FCSK: variants seen among roughly 807,000 people sequenced by gnomAD.
FCSK encodes the protein L-fucose kinase.
Under a neutral mutation model 122.5 loss-of-function variants are expected in FCSK, and 123 were observed. That is an observed-to-expected ratio of 1.00 (90% CI 0.87 to 1.17). The LOEUF is 1.17. Ranked by LOEUF, FCSK falls within the 50% of genes most tolerant of loss-of-function variation. FCSK has a pLI of 0.00. For synonymous variants in FCSK, 620 were observed against 625.5 expected (o/e 0.99, Z 0.13); for missense variants, 1,366 against 1,450.4 (o/e 0.94, Z 0.95).
rs563659303 is a variant in FCSK at position 70,454,626 on chromosome 16, G to A, written c.-27G>A. Reference sequence around the variant, plus strand: ...CCCGCTCCGCCGAGCGCCGGGCGACGGCAGGTACGTCAGTCCGCGAGGGTC... The same window carrying A: ...CCCGCTCCGCCGAGCGCCGGGCGACAGCAGGTACGTCAGTCCGCGAGGGTC... On this transcript the variant is annotated 5_prime_UTR_variant, in exon 1 of 24. Coordinates refer to ENST00000288078, the MANE Select transcript of FCSK (RefSeq NM_145059.3). The A allele has an allele frequency of 6.6e-6, 1 of 151,690 alleles. No homozygotes were observed. The highest frequency in any genetic ancestry group is 2.0e-4 in the East Asian group (1 of 5,036). The allele number at this position is 151,690 out of a possible 1,614,324, so 9.4% of individuals were successfully genotyped here.
chr16:70,469,328 G>C lies in FCSK; in HGVS notation c.955+5G>C. 2 of 1,583,154 alleles carry C rather than the reference G, an allele frequency of 1.3e-6. No homozygotes were observed. The highest frequency in any genetic ancestry group is 1.7e-6 in the Non-Finnish European group (2 of 1,167,036). ...GCGATCAGCCCCTTACCATGGGTGG[G>C]TACTGCCTCTCAGCTCCCTGGGGTG... On this transcript the variant is annotated splice_donor_5th_base_variant and intron_variant, in intron 10 of 23. Transcript: ENST00000288078.
chr16:70,459,027 A>T (rs2048179864), intron 1 of FCSK, among the ~76,000 whole-genome samples: 1 of 151,812 alleles, frequency 6.6e-6, no homozygotes, highest in African/African-American at 2.4e-5. Context: ...AGCTTGGGCA[A>T]TGTGGCAAGA....
chr16:70,473,143 C>T lies in FCSK; in HGVS notation c.1567C>T (p.Arg523Trp), dbSNP rs369957269. 4.6e-5 allele frequency: 71 copies of T among 1,557,752 alleles called. 3 individuals are homozygous for T. Among genetic ancestry groups the T allele is most frequent in the South Asian group, 4.3e-4 (37 of 85,072 alleles). The change falls in exon 15 of 24, where the codon CGG becomes TGG. Residue 523 changes from arginine to tryptophan, a missense_variant. Coordinates refer to ENST00000288078, the MANE Select transcript of FCSK (RefSeq NM_145059.3). This position sits in a 1 kb window ranked among gnomAD's most constrained non-coding sequence, Gnocchi z 4.9. The part of the protein sequence containing the change: ...EDGGEALRAW[R>W]ASWRLSWEQL... ...TGGGGGCGAGGCCCTGCGAGCCTGG[C>T]GGGCCTCCTGGCGCCTGTCCTGGGA...
At chr16:70,468,733 T>C in intron 8 of FCSK, 116 bp from the exon 9 acceptor site, 1 of 1,344,482 alleles carries the variant, frequency 7.4e-7, no homozygotes, top group Admixed American at 1.9e-5. Context: ...AAGGTGACAC[T>C]CCCTGCCTGG....
In FCSK at chr16:70,466,203, C is replaced by G; in HGVS notation, c.357C>G (p.Pro119=). ...TCCCCGTGGAGAACCCCGAGGCCCCCGTGGAAGCCTTGGTCTGCAACCTGG... is the reference window on the plus strand; with the variant it reads ...TCCCCGTGGAGAACCCCGAGGCCCCGGTGGAAGCCTTGGTCTGCAACCTGG... ...TCLPVENPEA[P]VEALVCNLDC... Residue 119 remains proline, a synonymous_variant, in exon 5 of 24, where the codon CCC becomes CCG. Transcript: ENST00000288078. The G allele has an allele frequency of 6.2e-7, 1 of 1,613,918 alleles. No homozygotes were observed. The highest frequency in any genetic ancestry group is 1.3e-5 in the African/African-American group (1 of 75,016).
At chr16:70,468,731 A>C in intron 8 of FCSK, 118 bp from the exon 9 acceptor site, 1 of 1,315,612 alleles carries the variant, frequency 7.6e-7, no homozygotes, top group Non-Finnish European at 1.1e-6. Context: ...AGAAGGTGAC[A>C]CTCCCTGCCT....
chr16:70,473,996 A>G lies in FCSK; in HGVS notation c.1778-133A>G. 1 of 793,530 alleles carries G rather than the reference A, an allele frequency of 1.3e-6. No individual in the cohort carries two copies. The highest frequency in any genetic ancestry group is 2.6e-5 in the Admixed American group (1 of 38,556). The allele number at this position is 793,530 out of a possible 1,614,324, so 49.2% of individuals were successfully genotyped here. On this transcript the variant is annotated intron_variant, in intron 15 of 23. Transcript: ENST00000288078. The surrounding 1 kb of genome is among the most constrained non-coding windows in gnomAD (Gnocchi z 4.9). The stretch of plus-strand genomic sequence containing the variant: ...GAGAGCAGGAGTGCAGTTACAGTCA[A>G]AGATACATTGTGGGCAAAAGCCAGG...
At chr16:70,472,393 GC>G (rs1257731412) in intron 13 of FCSK, 147 bp from the exon 14 acceptor site, 3 of 593,058 alleles carry the variant, frequency 5.1e-6, no homozygotes, top group Admixed American at 3.2e-5. Flanking sequence ...CCACACCACT[GC>G]ACTCCAGCCT....
At chr16:70,468,739 C>T in intron 8 of FCSK, 110 bp from the exon 9 acceptor site, 1 of 1,386,362 alleles carries the variant, frequency 7.2e-7, no homozygotes, top group Non-Finnish European at 1.0e-6. Flanking sequence ...ACACTCCCTG[C>T]CTGGTATGGC....
At position 70,469,579 on chromosome 16, in the gene FCSK, A is replaced by C. The variant is rs572529040; in HGVS notation, c.955+256A>C. Reference sequence around the variant, plus strand: ...TTGTTTGTTTTGTTTTTTGAGACGGACTCTCTCTTTGTCGCCCCGGCTAGA... The same window carrying C: ...TTGTTTGTTTTGTTTTTTGAGACGGCCTCTCTCTTTGTCGCCCCGGCTAGA... On this transcript the variant is annotated intron_variant, in intron 10 of 23. Transcript: ENST00000288078. Among the ~76,000 whole-genome samples the C allele has an allele frequency of 2.7e-5, 4 of 148,778 alleles. No individual in the cohort carries two copies. In the South Asian group the frequency reaches 6.4e-4, roughly 24 times the overall value.
At chr16:70,478,864 C>G in intron 22 of FCSK, 1 of 700,486 alleles carries the variant, frequency 1.4e-6, no homozygotes, top group Non-Finnish European at 2.6e-6. Flanking sequence ...CCCTCCAGCC[C>G]TAACAGGAAG....
Position 70,479,191 on chromosome 16 carries a change from C to T in FCSK, c.2941C>T (p.Leu981=). The T allele has an allele frequency of 6.2e-7, 1 of 1,613,274 alleles. No homozygotes were observed. Among genetic ancestry groups the T allele is most frequent in the South Asian group, 1.1e-5 (1 of 91,058 alleles). The change falls in exon 23 of 24, where the codon CTG becomes TTG. Residue 981 remains leucine, a synonymous_variant. Transcript: ENST00000288078. The stretch of plus-strand genomic sequence containing the variant: ...CTGCCCCACCTCAGGAAGCCTGCCT[C>T]TGCTGGGCCAGTGCCTGACCTCGTA... ...AEGFRQGSLP[L]LGQCLTSYWE...
Position 70,468,938 on chromosome 16 carries a change from AGGCTTGGACTCCGG to A in FCSK, c.754_767del (p.Gly252SerfsTer11). ...CGCCCCTGGATGCCTGCACCTACCT[AGGCTTGGACTCCGG>A]AGCCCGGCCTGTCCAGGTGACTGGG... On this transcript the variant is annotated frameshift_variant, in exon 9 of 24. Transcript: ENST00000288078. LOFTEE classifies it high-confidence loss of function. 6.2e-7 allele frequency: 1 copy of A among 1,613,492 alleles called. No individual in the cohort carries two copies. The highest frequency in any genetic ancestry group is 8.5e-7 in the Non-Finnish European group (1 of 1,179,944).
chr16:70,479,354 A>C lies in FCSK; in HGVS notation c.3104A>C (p.Lys1035Thr), dbSNP rs769571864. ...GGAGGCTTTCTCTATCTGTTGACCA[A>C]GGAGCCACAGCAAAAGGAGGCCTTG... ...GGGGFLYLLT[K>T]EPQQKEALEA... Residue 1035 changes from lysine (K) to threonine (T), a missense_variant, in exon 23 of 24, where the codon AAG becomes ACG. Lys to Thr is a moderately conservative substitution (Grantham distance 78, BLOSUM62 -1). Coordinates refer to ENST00000288078, the MANE Select transcript of FCSK (RefSeq NM_145059.3). 1 of 1,613,990 alleles carries C rather than the reference A, an allele frequency of 6.2e-7. No individual in the cohort carries two copies. The highest frequency in any genetic ancestry group is 8.5e-7 in the Non-Finnish European group (1 of 1,180,018).
At chr16:70,467,225 C>T in intron 6 of FCSK, 149 bp from the exon 7 acceptor site, 2 of 638,298 alleles carry the variant, frequency 3.1e-6, no homozygotes, top group Non-Finnish European at 5.5e-6. Flanking sequence ...TGTCATTCTC[C>T]CAGGCGAATG....
chr16:70,474,068 G>T (rs1446974400), intron 15 of FCSK, 61 bp from the exon 16 acceptor site: 1 of 1,480,438 alleles, frequency 6.8e-7, no homozygotes, highest in Admixed American at 2.1e-5. Flanking sequence ...GTAGCCTCTC[G>T]TGAAAGAGGA....
At chr16:70,465,092 G>T in intron 3 of FCSK, 34 bp from the exon 4 acceptor site, 6 of 1,612,490 alleles carry the variant, frequency 3.7e-6, no homozygotes, top group Non-Finnish European at 5.1e-6. Context: ...GTCTGCCTGA[G>T]GCCTCTGTTC....
At chr16:70,466,527 T>C (rs1298966968) in intron 5 of FCSK, 1 of 476,596 alleles carries the variant, frequency 2.1e-6, no homozygotes, top group Admixed American at 3.6e-5. Flanking sequence ...ACCCCATCTC[T>C]ACAAAAAAAT....
chr16:70,463,392 C>A, intron 2 of FCSK, 120 bp downstream of exon 2: 1 of 932,612 alleles, frequency 1.1e-6, no homozygotes, highest in Non-Finnish European at 1.7e-6. Context: ...GCACTTCTCC[C>A]TAGCCATGTG....
Sources: gnomAD v4.1 joint callset for allele counts (sites outside exome capture counted in the v4.1 genomes callset) on GRCh38, gnomAD v4.1.1 for gene constraint, Gnocchi (gnomAD v3.1) non-coding constraint, MANE v1.5 for transcripts, NCBI Gene and HGNC (gene_info 2026-07-23, HGNC 2026-07-21) for gene names.